PRDM16: variants seen among roughly 807,000 people sequenced by gnomAD.
The protein encoded by PRDM16 is histone-lysine N-methyltransferase PRDM16.
Under a neutral mutation model 110.6 loss-of-function variants are expected in PRDM16, and 23 were observed. That is an observed-to-expected ratio of 0.21 (90% CI 0.15 to 0.29). PRDM16 has a LOEUF of 0.29. Ranked by LOEUF, PRDM16 falls within the 10% of genes least tolerant of loss-of-function variation. The pLI is 1.00. For missense variants in PRDM16, 1,615 were observed against 1,794.3 expected (o/e 0.90, Z 1.81); for synonymous variants, 799 against 781.8 (o/e 1.02, Z -0.37).
chr1:3,144,584 C>T (rs937668573), intron 1 of PRDM16, among the ~76,000 whole-genome samples: 1 of 152,214 alleles, frequency 6.6e-6, no homozygotes, highest in South Asian at 2.1e-4. Context: ...CCCTCACTCT[C>T]TGTACCTGCC....
At chr1:3,212,749 T>C in intron 2 of PRDM16, among the ~76,000 whole-genome samples, 1 of 145,486 alleles carries the variant, frequency 6.9e-6, no homozygotes, top group African/African-American at 2.7e-5. Flanking sequence ...CCCCATCCTC[T>C]TGGTTCCCAC....
At chr1:3,427,688 C>T (rs886495409) in intron 14 of PRDM16, among the ~76,000 whole-genome samples, 1 of 152,152 alleles carries the variant, frequency 6.6e-6, no homozygotes, top group African/African-American at 2.4e-5. Flanking sequence ...AAGGTGAGCT[C>T]ACCTGTAGGG....
chr1:3,274,765 G>GCTGCTGCATGGCTGGCTTTTC (rs1640545162), intron 3 of PRDM16, among the ~76,000 whole-genome samples: 1 of 152,230 alleles, frequency 6.6e-6, no homozygotes, highest in Non-Finnish European at 1.5e-5. Context: ...GGTTTATTTT[G>GCTGCTGCATGGCTGGCTTTTC]CTGCTGCATG....
chr1:3,158,899 C>T (rs541122901), intron 1 of PRDM16, among the ~76,000 whole-genome samples: 13 of 152,010 alleles, frequency 8.6e-5, no homozygotes, highest in East Asian at 5.8e-4. Flanking sequence ...CCCAACCTCC[C>T]GAGTAGCTGG....
intron 3 of PRDM16, among the ~76,000 whole-genome samples, chr1:3,354,986 C>G (rs1231574706): frequency 2.0e-5 from 3 of 152,172 alleles, no homozygotes; most frequent in Non-Finnish European, 4.4e-5. Context: ...GGAAATCTGA[C>G]CAGAGGCAGA....
At chr1:3,127,660 CA>C (rs1643237514) in intron 1 of PRDM16, among the ~76,000 whole-genome samples, 1 of 152,268 alleles carries the variant, frequency 6.6e-6, no homozygotes, top group South Asian at 2.1e-4. Context: ...GTGCCCAGGA[CA>C]GTAGGACGAG....
rs115509664 is a variant in PRDM16 at position 3,388,403 on chromosome 1, G to A, written c.573+3117G>A. On this transcript the variant is annotated intron_variant, in intron 4 of 16. Transcript: ENST00000270722. ...AACCATATCTGAACATCCGAGCTCCGTAAAACAACGTCGAGTTTGCCAAAT... is the reference window on the plus strand; with the variant it reads ...AACCATATCTGAACATCCGAGCTCCATAAAACAACGTCGAGTTTGCCAAAT... 6.5e-3 allele frequency among the ~76,000 whole-genome samples: 982 copies of A among 152,222 alleles called. 16 individuals are homozygous for A. Among genetic ancestry groups the A allele is most frequent in the African/African-American group, 0.022 (924 of 41,520 alleles).
Position 3,186,431 on chromosome 1 carries a change from T to C in PRDM16, c.344T>C (p.Val115Ala). The C allele has an allele frequency of 6.4e-6, 10 of 1,569,254 alleles. No individual in the cohort carries two copies. Among genetic ancestry groups the C allele is most frequent in the Non-Finnish European group, 8.6e-6 (10 of 1,158,546 alleles). ...GGGGAGAGGCTGGGCCCCTGCGTGG[T>C]GGTGCCCCGGGCGGCGGCAAAGGAG... is the stretch of plus-strand genomic sequence containing the variant. Reference protein sequence around the residue: ...EAGERLGPCVVVPRAAAKETD... With the variant: ...EAGERLGPCVAVPRAAAKETD... Residue 115 changes from valine to alanine, a missense_variant, in exon 2 of 17, where the codon GTG becomes GCG. Around this residue, in one of 5 missense-constraint regions of PRDM16, gnomAD observed 416 missense variants for 467.1 expected, o/e 0.89. Coordinates refer to ENST00000270722, the MANE Select transcript of PRDM16 (RefSeq NM_022114.4).
intron 3 of PRDM16, among the ~76,000 whole-genome samples, chr1:3,269,463 CAGTCCCAGAGGAGGAA>C (rs1265676950): frequency 3.5e-5 from 5 of 141,794 alleles, no homozygotes; most frequent in African/African-American, 1.3e-4. Flanking sequence ...GGGAGGAGGA[CAGTCCCAGAGGAGGAA>C]AGTCCCAGAG....
chr1:3,393,983 G>A (rs1569665847), intron 4 of PRDM16, among the ~76,000 whole-genome samples: 1 of 152,260 alleles, frequency 6.6e-6, no homozygotes, highest in Non-Finnish European at 1.5e-5. Context: ...CCCGCGGCCC[G>A]GCGCGCTAGA....
At chr1:3,409,991 G>A (rs1391600343) in intron 8 of PRDM16, among the ~76,000 whole-genome samples, 2 of 116,768 alleles carry the variant, frequency 1.7e-5, no homozygotes, top group Non-Finnish European at 3.6e-5. Flanking sequence ...GCATGGGGGG[G>A]TGTGGGGGGT....
intron 1 of PRDM16, among the ~76,000 whole-genome samples, chr1:3,072,779 C>T (rs990712612): frequency 6.6e-6 from 1 of 152,144 alleles, no homozygotes; most frequent in Non-Finnish European, 1.5e-5. Context: ...CGTCTTGCCC[C>T]GCTTCGGACG....
At chr1:3,235,243 CT>C (rs1393600232) in intron 2 of PRDM16, among the ~76,000 whole-genome samples, 6 of 152,234 alleles carry the variant, frequency 3.9e-5, no homozygotes, top group Non-Finnish European at 8.8e-5. Context: ...AACAAACAGC[CT>C]CGCAGAACTT....
chr1:3,398,888 C>T (rs1311219027), intron 5 of PRDM16, among the ~76,000 whole-genome samples: 1 of 152,198 alleles, frequency 6.6e-6, no homozygotes, highest in Non-Finnish European at 1.5e-5. Context: ...CTGGAGACCA[C>T]GTTCAGGTAG....
intron 3 of PRDM16, among the ~76,000 whole-genome samples, chr1:3,341,511 G>A (rs555788232): frequency 6.6e-6 from 1 of 152,276 alleles, no homozygotes; most frequent in South Asian, 2.1e-4. Flanking sequence ...AGCGAGACCC[G>A]CCGTGAAGCA....
intron 2 of PRDM16, among the ~76,000 whole-genome samples, chr1:3,204,894 G>A (rs866856949): frequency 7.9e-5 from 12 of 152,286 alleles, no homozygotes; most frequent in East Asian, 1.9e-4. Flanking sequence ...TGGGACCCCC[G>A]TTGGGGGGGG....
At position 3,414,535 on chromosome 1, in the gene PRDM16, C is replaced by T. The variant is rs181889448; in HGVS notation, c.2604-25C>T. 11,633 of 1,591,784 alleles carry T rather than the reference C, an allele frequency of 7.3e-3. 58 individuals are homozygous for T. The highest frequency in any genetic ancestry group is 9.4e-3 in the Middle Eastern group (56 of 5,982). On this transcript the variant is annotated intron_variant, in intron 9 of 16. Transcript: ENST00000270722. ...GCGGGGCGGGCGGCTCGGTGGGGTACGTAACCCTCTGTGCTGTTGTCCAGC... is the reference window on the plus strand; with the variant it reads ...GCGGGGCGGGCGGCTCGGTGGGGTATGTAACCCTCTGTGCTGTTGTCCAGC...
At chr1:3,173,209 G>A (rs1305807007) in intron 1 of PRDM16, among the ~76,000 whole-genome samples, 1 of 152,204 alleles carries the variant, frequency 6.6e-6, no homozygotes, top group Non-Finnish European at 1.5e-5. Flanking sequence ...GGGGCTCAGG[G>A]AAGTGGTATA....
chr1:3,427,403 C>T (rs1038893157), intron 14 of PRDM16, among the ~76,000 whole-genome samples: 2 of 152,164 alleles, frequency 1.3e-5, no homozygotes, highest in African/African-American at 4.8e-5. Context: ...GAGCCAGATC[C>T]CAAGCTTTTA....
Sources: allele counts gnomAD v4.1 joint callset (sites outside exome capture counted in the v4.1 genomes callset), GRCh38; gene constraint gnomAD v4.1.1; regional missense constraint gnomAD v4.1.1; transcripts MANE v1.5; gene names NCBI Gene and HGNC (gene_info 2026-07-23, HGNC 2026-07-21).